The following UNC80 variants were observed in gnomAD, a reference collection of about 807,000 sequenced individuals.
UNC80 encodes the protein unc-80 subunit of NALCN channel complex, also known as protein unc-80 homolog.
A neutral mutation model predicts 384.6 loss-of-function variants in UNC80; 164 were observed. The ratio of observed to expected loss-of-function variants is 0.43; its 90% CI spans 0.38 to 0.49. UNC80 has a LOEUF of 0.49. UNC80 is among the 20% of genes least tolerant of loss of function. UNC80 has a pLI of 0.00. For synonymous variants in UNC80, 1,486 were observed against 1,527.8 expected (o/e 0.97, Z 0.64); for missense variants, 3,330 against 4,143.0 (o/e 0.80, Z 5.39).
intron 7 of UNC80, chr2:209,809,480 A>G: frequency 1.5e-6 from 2 of 1,368,758 alleles, no homozygotes; most frequent in Non-Finnish European, 2.1e-6. Context: ...ACCCACTTGG[A>G]CGTCAAGAAG....
chr2:209,800,903 C>T (rs1038320809), intron 7 of UNC80, among the ~76,000 whole-genome samples: 2 of 152,188 alleles, frequency 1.3e-5, no homozygotes, highest in African/African-American at 4.8e-5. Flanking sequence ...TTTGATTACA[C>T]TGTGGTCTGT....
intron 21 of UNC80, chr2:209,845,030 T>C (rs1353794363): frequency 1.3e-5 from 2 of 151,454 alleles, no homozygotes; most frequent in Non-Finnish European, 2.9e-5. Context: ...TAGGAGGTGA[T>C]TAGGTTTAGA....
chr2:209,813,459 C>T (rs575820061), intron 7 of UNC80, 121 bp from the exon 8 acceptor site: 13 of 1,062,912 alleles, frequency 1.2e-5, no homozygotes, highest in Admixed American at 8.5e-5. Context: ...GAGTAAACTA[C>T]GTAAGAAACA....
chr2:209,919,140 C>T (rs1055984689), intron 33 of UNC80, among the ~76,000 whole-genome samples: 10 of 152,168 alleles, frequency 6.6e-5, no homozygotes, highest in African/African-American at 2.4e-4. Flanking sequence ...GCTCTTATTA[C>T]TGCTATATGT....
Position 209,976,053 on chromosome 2 carries a change from GATGT to G in UNC80, c.8588-64_8588-61del. The stretch of plus-strand genomic sequence containing the variant: ...TTCTAAAGGTGCATAAAGGGCTCTG[GATGT>G]AGGTTGGGTTCCTCGGAAGCACACG... On this transcript the variant is annotated intron_variant, in intron 56 of 64. Transcript: ENST00000673920. This position sits in a 1 kb window ranked among gnomAD's most constrained non-coding sequence, Gnocchi z 4.3. The G allele has an allele frequency of 6.8e-7, 1 of 1,474,838 alleles. No individual in the cohort carries two copies. 91.4% of individuals were successfully genotyped at this position (1,474,838 alleles called of 1,614,324 possible).
At chr2:209,925,151 AT>A (rs1248520432) in intron 35 of UNC80, among the ~76,000 whole-genome samples, 3 of 151,688 alleles carry the variant, frequency 2.0e-5, no homozygotes, top group African/African-American at 7.3e-5. Context: ...CTTTTGGTAA[AT>A]TTTGAAAGCT....
At chr2:209,978,732 G>T in intron 59 of UNC80, 24 bp downstream of exon 59, 1 of 1,503,982 alleles carries the variant, frequency 6.6e-7, no homozygotes, top group South Asian at 1.3e-5. Context: ...GAGAATCTGG[G>T]CAGTAGACAT....
At position 209,976,661 on chromosome 2, in the gene UNC80, T is replaced by C. The variant is rs1410188845; in HGVS notation, c.8773-252T>C. Reference sequence around the variant, plus strand: ...ATTTTAAATAAACATAAGAAAAACATAGGATACTTAACGTATGTTTTTCCT... The same window carrying C: ...ATTTTAAATAAACATAAGAAAAACACAGGATACTTAACGTATGTTTTTCCT... On this transcript the variant is annotated intron_variant, in intron 57 of 64. Coordinates refer to ENST00000673920, the MANE Select transcript of UNC80 (RefSeq NM_001371986.1). The surrounding 1 kb of genome is among the most constrained non-coding windows in gnomAD (Gnocchi z 4.3). 1.3e-5 allele frequency among the ~76,000 whole-genome samples: 2 copies of C among 152,102 alleles called. No individual in the cohort carries two copies. The highest frequency in any genetic ancestry group is 2.1e-4 in the South Asian group (1 of 4,824).
At chr2:209,831,309 G>A (rs1054592663) in intron 15 of UNC80, 134 bp from the exon 16 acceptor site, 2 of 875,668 alleles carry the variant, frequency 2.3e-6, no homozygotes, top group African/African-American at 3.5e-5. Context: ...ATTAAACCTG[G>A]GGCATCTTTA....
intron 29 of UNC80, among the ~76,000 whole-genome samples, chr2:209,911,460 T>G (rs1322111185): frequency 2.0e-5 from 3 of 152,214 alleles, no homozygotes; most frequent in Non-Finnish European, 4.4e-5. Flanking sequence ...TGTTTTGAAG[T>G]AGGTTCATTT....
chr2:209,806,834 A>C (rs1422310979), intron 7 of UNC80, among the ~76,000 whole-genome samples: 1 of 152,240 alleles, frequency 6.6e-6, no homozygotes, highest in Non-Finnish European at 1.5e-5. Context: ...TACTATATGC[A>C]GAGAGTTGAT....
intron 23 of UNC80, among the ~76,000 whole-genome samples, chr2:209,877,162 T>G (rs2084853104): frequency 1.3e-5 from 2 of 152,136 alleles, no homozygotes; most frequent in Admixed American, 1.3e-4. Context: ...TCTTCTATTG[T>G]TGCATGCAGT....
chr2:209,799,017 A>T (rs778763697), intron 7 of UNC80, among the ~76,000 whole-genome samples: 3 of 150,944 alleles, frequency 2.0e-5, no homozygotes, highest in Non-Finnish European at 3.0e-5. Flanking sequence ...TTGATACCAT[A>T]TACAATTTAA....
At chr2:209,951,215 C>T (rs545569125) in intron 47 of UNC80, among the ~76,000 whole-genome samples, 1 of 152,038 alleles carries the variant, frequency 6.6e-6, no homozygotes, top group South Asian at 2.1e-4. Context: ...GAAAATATTC[C>T]ATTTTCTACT....
intron 6 of UNC80, among the ~76,000 whole-genome samples, chr2:209,791,821 A>G (rs977203588): frequency 1.3e-3 from 103 of 81,478 alleles, no homozygotes; most frequent in African/African-American, 3.5e-3. Context: ...CTCCGTCTCA[A>G]AAAAAAAAAA....
At chr2:209,860,162 G>T (rs562903847) in intron 22 of UNC80, among the ~76,000 whole-genome samples, 1 of 152,164 alleles carries the variant, frequency 6.6e-6, no homozygotes, top group East Asian at 1.9e-4. Context: ...TATGGTTTGG[G>T]GTTTTACATT....
rs768832760 is a variant in UNC80, at chr2:209,972,266, G to A, written c.8322G>A (p.Glu2774=). 2.4e-5 allele frequency: 37 copies of A among 1,551,772 alleles called. No individual in the cohort carries two copies. Among genetic ancestry groups the A allele is most frequent in the Non-Finnish European group, 3.1e-5 (35 of 1,146,922 alleles). The change falls in exon 55 of 65, where the codon GAG becomes GAA. Residue 2774 remains glutamate, a synonymous_variant. Coordinates refer to ENST00000673920, the MANE Select transcript of UNC80 (RefSeq NM_001371986.1). The stretch of plus-strand genomic sequence containing the variant: ...CATTCACCAATCAAGAGCGAAGGGA[G>A]GGGATGCTTTTAAATCTGCTCATCC... ...ISPFTNQERR[E]GMLLNLLIPF... is the part of the protein sequence containing the mutation.
intron 28 of UNC80, among the ~76,000 whole-genome samples, chr2:209,897,250 TA>T (rs1244667920): frequency 6.6e-6 from 1 of 152,174 alleles, no homozygotes; most frequent in African/African-American, 2.4e-5. Context: ...AATACATTTT[TA>T]TGAAGTAAAT....
At chr2:209,816,862 AC>A in intron 9 of UNC80, 46 bp from the exon 10 acceptor site, 2 of 1,531,730 alleles carry the variant, frequency 1.3e-6, no homozygotes, top group Non-Finnish European at 1.8e-6. Context: ...GCAGATTGTA[AC>A]CTTTTCTTTG....
Sources: allele counts gnomAD v4.1 joint callset (sites outside exome capture counted in the v4.1 genomes callset), GRCh38; gene constraint gnomAD v4.1.1; non-coding constraint Gnocchi (gnomAD v3.1); transcripts MANE v1.5; gene names NCBI Gene and HGNC (gene_info 2026-07-23, HGNC 2026-07-21).